Variants in FSTL4 observed in about 807,000 individuals in gnomAD.
FSTL4 encodes the protein follistatin like 4.
FSTL4 carries 28 observed loss-of-function variants against 78.2 expected under a neutral mutation model. The ratio of observed to expected loss-of-function variants is 0.36; its 90% CI spans 0.27 to 0.49. The LOEUF is 0.49. FSTL4 is among the 20% of genes least tolerant of loss of function. FSTL4 has a pLI of 0.98. For synonymous variants in FSTL4, 422 were observed against 440.5 expected (o/e 0.96, Z 0.53); for missense variants, 922 against 1,084.9 (o/e 0.85, Z 2.11).
the FSTL4 span, among the ~76,000 whole-genome samples, chr5:133,634,258 G>A: frequency 6.6e-6 from 1 of 152,158 alleles, no homozygotes; most frequent in African/African-American, 2.4e-5. Context: ...GTTGGTGTGT[G>A]TAGGGATGGG....
At chr5:133,834,510 TG>T in the FSTL4 span, among the ~76,000 whole-genome samples, 348 of 142,282 alleles carry the variant, frequency 2.4e-3, 1 homozygote, top group African/African-American at 8.9e-3. Context: ...CCTAATTTTG[TG>T]GGGGGTGGGG....
chr5:133,538,333 C>T (rs936010815), intron 3 of FSTL4, among the ~76,000 whole-genome samples: 6 of 152,158 alleles, frequency 3.9e-5, no homozygotes, highest in African/African-American at 9.7e-5. Context: ...AAATTTTTCA[C>T]AGGAATACCA....
chr5:133,520,118 C>G (rs1396300789), intron 3 of FSTL4, among the ~76,000 whole-genome samples: 1 of 152,042 alleles, frequency 6.6e-6, no homozygotes, highest in Non-Finnish European at 1.5e-5. Flanking sequence ...TTCTCAGGAC[C>G]CTCCCTTCTC....
chr5:133,245,907 CATT>C (rs551648164), intron 7 of FSTL4, among the ~76,000 whole-genome samples: 1 of 152,184 alleles, frequency 6.6e-6, no homozygotes, highest in South Asian at 2.1e-4. Context: ...TTACATGTGT[CATT>C]AGAATGGCAT....
At chr5:133,315,543 G>A (rs1288473331) in intron 5 of FSTL4, among the ~76,000 whole-genome samples, 6 of 152,148 alleles carry the variant, frequency 3.9e-5, no homozygotes, top group African/African-American at 1.4e-4. Flanking sequence ...TCTTTAAATT[G>A]GCATCAAAGG....
At chr5:133,366,024 C>T (rs1755174753) in intron 4 of FSTL4, among the ~76,000 whole-genome samples, 1 of 152,220 alleles carries the variant, frequency 6.6e-6, no homozygotes, top group Non-Finnish European at 1.5e-5. Context: ...GCAACCCAGA[C>T]TCTTGTCATC....
chr5:133,818,808 T>C, the FSTL4 span, among the ~76,000 whole-genome samples: 145,672 of 149,764 alleles, frequency 0.97, 70,986 homozygotes, highest in East Asian at 1. Flanking sequence ...TTTTTGAGGA[T>C]GAATTGTACC....
chr5:133,257,776 G>A (rs543597601), intron 6 of FSTL4, among the ~76,000 whole-genome samples: 13 of 152,152 alleles, frequency 8.5e-5, no homozygotes, highest in Non-Finnish European at 1.8e-4. Flanking sequence ...TCCTGTGTGT[G>A]GGGTAGCCTT....
chr5:133,253,397 T>G (rs1423852101), intron 6 of FSTL4, among the ~76,000 whole-genome samples: 2 of 152,212 alleles, frequency 1.3e-5, no homozygotes, highest in Non-Finnish European at 2.9e-5. Flanking sequence ...TGGGCCTCAG[T>G]TTAGACATGG....
At chr5:133,460,633 A>G (rs1464507261) in intron 3 of FSTL4, among the ~76,000 whole-genome samples, 4 of 152,172 alleles carry the variant, frequency 2.6e-5, no homozygotes, top group African/African-American at 4.8e-5. Flanking sequence ...GTGGGGCCCA[A>G]CGCTACCTAG....
the FSTL4 span, among the ~76,000 whole-genome samples, chr5:133,775,648 G>A: frequency 6.6e-6 from 1 of 152,182 alleles, no homozygotes; most frequent in African/African-American, 2.4e-5. Context: ...AGGCCCAGAA[G>A]GTGGAAGAGT....
chr5:133,298,866 C>CA (rs34863139), intron 6 of FSTL4, among the ~76,000 whole-genome samples: 61,430 of 152,146 alleles, frequency 0.4, 13,586 homozygotes, highest in Middle Eastern at 0.57. Flanking sequence ...ACCAGGAGGC[C>CA]AGTCCCTTTG....
At chr5:133,218,439 T>G (rs1263054761) in intron 12 of FSTL4, among the ~76,000 whole-genome samples, 1 of 152,148 alleles carries the variant, frequency 6.6e-6, no homozygotes, top group South Asian at 2.1e-4. Context: ...CACTGTAAAA[T>G]TCAAGTCAGA....
chr5:133,210,209 C>G lies in FSTL4; in HGVS notation c.1698G>C (p.Lys566Asn). ...AACATACCTGGAGACTTGGTCGGGA[C>G]TTGTGCACGTCCCCCCAGCTCAGGA... ...VWVLSWGDVH[K>N]SRPSLQVITE... Residue 566 changes from lysine to asparagine, a missense_variant, in exon 14 of 16, where the codon AAG becomes AAC. Physicochemically the swap from Lys to Asn is moderately conservative, Grantham distance 94 (BLOSUM62 0). Transcript: ENST00000265342. 1 of 1,604,474 alleles carries G rather than the reference C, an allele frequency of 6.2e-7. No individual in the cohort carries two copies. Among genetic ancestry groups the G allele is most frequent in the East Asian group, 2.2e-5 (1 of 44,818 alleles).
chr5:133,776,249 C>G, the FSTL4 span, among the ~76,000 whole-genome samples: 1 of 152,166 alleles, frequency 6.6e-6, no homozygotes, highest in East Asian at 1.9e-4. Context: ...GTACCAGCAG[C>G]CAGAGGAAAA....
At chr5:133,640,457 G>C in the FSTL4 span, among the ~76,000 whole-genome samples, 1 of 152,172 alleles carries the variant, frequency 6.6e-6, no homozygotes, top group African/African-American at 2.4e-5. Context: ...CTGGGACACC[G>C]TGTACCTAGC....
At chr5:133,210,723 T>C in intron 13 of FSTL4, 1 of 152,822 alleles carries the variant, frequency 6.5e-6, no homozygotes, top group Non-Finnish European at 1.5e-5. Flanking sequence ...ACTCCCGACC[T>C]CAGGTGATCC....
At chr5:133,598,824 A>G (rs1760795385) in intron 2 of FSTL4, among the ~76,000 whole-genome samples, 2 of 152,244 alleles carry the variant, frequency 1.3e-5, no homozygotes, top group Non-Finnish European at 2.9e-5. Flanking sequence ...TGCAATGGTG[A>G]GTATCACAAG....
intron 6 of FSTL4, among the ~76,000 whole-genome samples, chr5:133,295,020 C>T (rs1183405161): frequency 6.6e-6 from 1 of 152,162 alleles, no homozygotes; most frequent in Non-Finnish European, 1.5e-5. Context: ...ACTTTGGATT[C>T]AGGACTAGGG....
Sources: allele counts gnomAD v4.1 joint callset (sites outside exome capture counted in the v4.1 genomes callset), GRCh38; gene constraint gnomAD v4.1.1; transcripts MANE v1.5; gene names NCBI Gene and HGNC (gene_info 2026-07-23, HGNC 2026-07-21).